ZC4H2: variants seen among roughly 807,000 people sequenced by gnomAD.
The protein encoded by ZC4H2 is zinc finger C4H2-type containing.
For missense variants in ZC4H2, 137 were observed against 173.9 expected (o/e 0.79, Z 1.19); for synonymous variants, 84 against 66.3 (o/e 1.27, Z -1.30).
At chrX:64,930,321 C>T (rs183316351) in intron 1 of ZC4H2, among the ~76,000 whole-genome samples, 7 of 111,691 alleles carry the variant, frequency 6.3e-5, no homozygotes, top group Non-Finnish European at 1.1e-4. Flanking sequence ...CAAACAGTGA[C>T]ATTTTGACTT....
chrX:65,030,785 G>T (rs979519586), intron 1 of ZC4H2, among the ~76,000 whole-genome samples: 6 of 110,776 alleles, frequency 5.4e-5, no homozygotes, highest in Non-Finnish European at 1.1e-4. Flanking sequence ...CCTACCCTTG[G>T]TATCTGATCA....
intron 1 of ZC4H2, among the ~76,000 whole-genome samples, chrX:64,984,643 T>C (rs1432474024): frequency 9.0e-6 from 1 of 111,461 alleles, no homozygotes; most frequent in Non-Finnish European, 1.9e-5. Context: ...ATGTTATCTA[T>C]AGGAGCAACT....
intron 1 of ZC4H2, among the ~76,000 whole-genome samples, chrX:64,927,189 T>A (rs1361861696): frequency 9.0e-6 from 1 of 110,764 alleles, no homozygotes; most frequent in African/African-American, 3.3e-5. Flanking sequence ...AACATGCAGG[T>A]TTGTTACATA....
chrX:64,966,062 T>C (rs1395675061), intron 1 of ZC4H2, among the ~76,000 whole-genome samples: 1 of 107,409 alleles, frequency 9.3e-6, no homozygotes, highest in Non-Finnish European at 1.9e-5. Flanking sequence ...CTGGTAAAAA[T>C]GTGTTTCCAG....
At position 64,921,069 on chromosome X, in the gene ZC4H2, T is replaced by A. The variant is rs184011887; in HGVS notation, c.225+748A>T. ...CCAATTGCTTACTGTCCAAACCTCA[T>A]TCATATTTCCTTTATGATCCTAGGT... On this transcript the variant is annotated intron_variant, in intron 2 of 4. Transcript: ENST00000374839. Among the ~76,000 whole-genome samples, 11 of 112,790 alleles carry A rather than the reference T, an allele frequency of 9.8e-5. No homozygotes were observed. The East Asian group carries it at 3.1e-3, about 31-fold the overall frequency.
intron 1 of ZC4H2, among the ~76,000 whole-genome samples, chrX:64,952,895 G>C (rs1403727813): frequency 9.0e-6 from 1 of 111,322 alleles, no homozygotes; most frequent in East Asian, 2.8e-4. Context: ...CAAAGCTGGA[G>C]GCATCACGCT....
At chrX:65,011,467 A>G (rs1166348252) in intron 1 of ZC4H2, among the ~76,000 whole-genome samples, 1 of 111,363 alleles carries the variant, frequency 9.0e-6, no homozygotes, top group African/African-American at 3.3e-5. Flanking sequence ...CCCAATTTCA[A>G]TATTTGTATA....
chrX:64,970,494 GAGGA>G (rs1407216275), intron 1 of ZC4H2, among the ~76,000 whole-genome samples: 13 of 91,204 alleles, frequency 1.4e-4, no homozygotes, highest in Non-Finnish European at 2.6e-4. Context: ...GAGAGGAAGA[GAGGA>G]AGGGAGGGAG....
upstream of ZC4H2, among the ~76,000 whole-genome samples, chrX:64,978,660 A>G (rs1231752018): frequency 4.5e-5 from 5 of 111,821 alleles, no homozygotes; most frequent in Non-Finnish European, 9.4e-5. Context: ...CCATGTCCAC[A>G]CAATAAGTTA....
intron 1 of ZC4H2, among the ~76,000 whole-genome samples, chrX:64,985,140 T>C (rs1932157315): frequency 8.9e-6 from 1 of 112,321 alleles, no homozygotes; most frequent in South Asian, 3.7e-4. Context: ...CTGTTGTAAA[T>C]AGTGCTGCAA....
upstream of ZC4H2, chrX:64,976,485 T>C (rs1403350706): frequency 6.8e-5 from 60 of 876,140 alleles, no homozygotes; most frequent in Non-Finnish European, 9.5e-5. Context: ...TATGAGCCTG[T>C]GCGGTAGGGG....
rs751489382 is a variant in ZC4H2, at chrX:64,965,559, G to A, written c.53+10766C>T. 4.6e-5 allele frequency: 13 copies of A among 281,521 alleles called. No individual in the cohort carries two copies. The East Asian group carries it at 7.7e-4, about 17-fold the overall frequency. The allele number at this position is 281,521 out of a possible 1,213,427, so 23.2% of individuals were successfully genotyped here. ...TATAGGAGAAAATCTTTGTGAATAC[G>A]ACTTAGGCAAACATTTCTCCTAAAT... On this transcript the variant is annotated intron_variant, in intron 1 of 4. Coordinates refer to ENST00000374839, the MANE Select transcript of ZC4H2 (RefSeq NM_018684.4).
chrX:65,015,315 T>A, intron 1 of ZC4H2, among the ~76,000 whole-genome samples: 1 of 111,846 alleles, frequency 8.9e-6, no homozygotes, highest in African/African-American at 3.2e-5. Flanking sequence ...TCAGACACAC[T>A]CTTAATGGAC....
chrX:64,937,519 T>C (rs1930070025), intron 1 of ZC4H2, among the ~76,000 whole-genome samples: 1 of 111,541 alleles, frequency 9.0e-6, no homozygotes, highest in Non-Finnish European at 1.9e-5. Flanking sequence ...TATTCTAAAA[T>C]TTACCACATA....
chrX:64,941,864 T>C (rs986751682), intron 1 of ZC4H2, among the ~76,000 whole-genome samples: 1 of 112,331 alleles, frequency 8.9e-6, no homozygotes, highest in African/African-American at 3.2e-5. Context: ...GTTGCTGTTG[T>C]GTCTCTGCCA....
At chrX:64,943,801 T>C (rs752008659) in intron 1 of ZC4H2, among the ~76,000 whole-genome samples, 1 of 111,723 alleles carries the variant, frequency 9.0e-6, no homozygotes, top group South Asian at 3.7e-4. Flanking sequence ...CCAGTCTCTG[T>C]CTTTTAATTG....
intron 1 of ZC4H2, among the ~76,000 whole-genome samples, chrX:65,004,827 A>G (rs1205030710): frequency 8.9e-6 from 1 of 111,940 alleles, no homozygotes; most frequent in Non-Finnish European, 1.9e-5. Flanking sequence ...TATATTTAGA[A>G]AACCCCATCA....
intron 1 of ZC4H2, among the ~76,000 whole-genome samples, chrX:64,940,837 C>T (rs888222439): frequency 8.9e-6 from 1 of 111,762 alleles, no homozygotes; most frequent in Non-Finnish European, 1.9e-5. Context: ...AGCGTGATAT[C>T]CCCAGCTTTG....
intron 1 of ZC4H2, among the ~76,000 whole-genome samples, chrX:64,975,817 G>A (rs1415758648): frequency 9.0e-6 from 1 of 110,775 alleles, no homozygotes; most frequent in Non-Finnish European, 1.9e-5. Flanking sequence ...AAAGGAAAAC[G>A]AGCGCGCGCC....
Sources: gnomAD v4.1 joint callset for allele counts (sites outside exome capture counted in the v4.1 genomes callset) on GRCh38, gnomAD v4.1.1 for gene constraint, MANE v1.5 for transcripts, NCBI Gene and HGNC (gene_info 2026-07-23, HGNC 2026-07-21) for gene names.